FMO1: variants seen among roughly 807,000 people sequenced by gnomAD.
FMO1 encodes the protein flavin-containing monooxygenase 1.
Under a neutral mutation model 45.4 loss-of-function variants are expected in FMO1, and 36 were observed. The ratio of observed to expected loss-of-function variants is 0.79; its 90% CI spans 0.61 to 1.05. The LOEUF (loss-of-function observed/expected upper bound fraction) is 1.05. FMO1 is among the 50% of genes least tolerant of loss of function. The pLI is 0.00. For missense variants in FMO1, 615 were observed against 640.3 expected (o/e 0.96, Z 0.43); for synonymous variants, 228 against 227.2 (o/e 1.00, Z -0.03).
At chr1:171,277,905 C>G (rs1167787270) in intron 4 of FMO1, among the ~76,000 whole-genome samples, 1 of 152,078 alleles carries the variant, frequency 6.6e-6, no homozygotes, top group African/African-American at 2.4e-5. Flanking sequence ...GGTCTTATTA[C>G]TTTTTTTAGG....
rs1445157966 is a variant in FMO1 at position 171,284,709 on chromosome 1, G to A, written c.1257-493G>A. Among the ~76,000 whole-genome samples the A allele has an allele frequency of 2.0e-5, 3 of 148,856 alleles. No individual in the cohort carries two copies. In the Admixed American group the frequency reaches 2.0e-4, roughly 10 times the overall value. ...ATCATGCCACTGCACTCCAGCCTAG[G>A]TGACAGAGCAAGACCTTGTAAAAAA... is the stretch of plus-strand genomic sequence containing the variant. On this transcript the variant is annotated intron_variant, in intron 8 of 8. Transcript: ENST00000617670.
intron 2 of FMO1, among the ~76,000 whole-genome samples, chr1:171,263,120 GA>G (rs1225056093): frequency 3.3e-5 from 5 of 152,192 alleles, no homozygotes; most frequent in African/African-American, 1.2e-4. Flanking sequence ...ACTCCTGCCT[GA>G]AGGATACAAG....
At chr1:171,273,376 A>G (rs990825299) in intron 3 of FMO1, among the ~76,000 whole-genome samples, 5 of 152,178 alleles carry the variant, frequency 3.3e-5, no homozygotes, top group African/African-American at 1.2e-4. Context: ...CCACTTCCTT[A>G]TTTTGCAATG....
Position 171,258,082 on chromosome 1 carries a change from G to A in FMO1, c.-6G>A, listed in dbSNP as rs748239432. The stretch of plus-strand genomic sequence containing the variant: ...AGCCTGCTTCATCTTCCTCATGCAG[G>A]AGAACATGGCCAAGCGAGTTGCCAT... On this transcript the variant is annotated splice_region_variant and 5_prime_UTR_variant, in exon 2 of 9. Coordinates refer to ENST00000617670, the MANE Select transcript of FMO1 (RefSeq NM_001282693.2). 7 of 1,614,096 alleles carry A rather than the reference G, an allele frequency of 4.3e-6. No homozygotes were observed. The highest frequency in any genetic ancestry group is 1.1e-5 in the South Asian group (1 of 91,082).
At chr1:171,249,226 G>A (rs1299428948) in intron 1 of FMO1, among the ~76,000 whole-genome samples, 1 of 152,144 alleles carries the variant, frequency 6.6e-6, no homozygotes, top group East Asian at 1.9e-4. Context: ...TCCTGCTCCA[G>A]TTAAATTCAC....
In FMO1 at chr1:171,285,455, G is replaced by A; in HGVS notation, c.1510G>A (p.Val504Ile). The A allele has an allele frequency of 6.4e-7, 1 of 1,574,126 alleles. No homozygotes were observed. Among genetic ancestry groups the A allele is most frequent in the Non-Finnish European group, 8.6e-7 (1 of 1,161,090 alleles). Residue 504 changes from valine to isoleucine, a missense_variant, in exon 9 of 9, where the codon GTA (valine) becomes ATA (isoleucine). Physicochemically the swap from Val to Ile is conservative, Grantham distance 29 (BLOSUM62 3). Transcript: ENST00000617670. The stretch of plus-strand genomic sequence containing the variant: ...ATTCAAGGTCATCAAAGCTCGAGTT[G>A]TACAAGAGTCTCCATCTCCCTTTGA... ...RTFKVIKARV[V>I]QESPSPFESF...
rs542613140 is a variant in FMO1 at position 171,275,175 on chromosome 1, C to T, written c.322-171C>T. On this transcript the variant is annotated intron_variant, in intron 3 of 8. Coordinates refer to ENST00000617670, the MANE Select transcript of FMO1 (RefSeq NM_001282693.2). ...TATCTCTCCAAGCTTAGACTACCTC[C>T]ATCTAGGGAATCATGATTAGTCCGG... Among the ~76,000 whole-genome samples the T allele has an allele frequency of 2.6e-3, 393 of 152,290 alleles. 2 individuals carry two copies. Among genetic ancestry groups the T allele is most frequent in the African/African-American group, 8.5e-3 (352 of 41,560 alleles).
At chr1:171,282,541 TA>T (rs28360423) in intron 7 of FMO1, 80,657 of 451,864 alleles carry the variant, frequency 0.18, 12,068 homozygotes, top group African/African-American at 0.57. Context: ...AAAATATATA[TA>T]TTTTTTTGAT....
chr1:171,285,197 TA>T lies in FMO1; in HGVS notation c.1257-2del. On this transcript the variant is annotated splice_region_variant and splice_polypyrimidine_tract_variant and intron_variant, in intron 8 of 8. Coordinates refer to ENST00000617670, the MANE Select transcript of FMO1 (RefSeq NM_001282693.2). Reference sequence around the variant, plus strand: ...ACCTTTTCCCCCAATCTTCCTTTTATAAAGGTTTGGCTTGTGCTACTGCAAG... The same window carrying T: ...ACCTTTTCCCCCAATCTTCCTTTTATAAGGTTTGGCTTGTGCTACTGCAAG... The T allele has an allele frequency of 6.5e-7, 1 of 1,539,156 alleles. No individual in the cohort carries two copies. The highest frequency in any genetic ancestry group is 8.8e-7 in the Non-Finnish European group (1 of 1,140,662).
At chr1:171,254,744 C>T (rs1660077503) in intron 1 of FMO1, among the ~76,000 whole-genome samples, 1 of 152,158 alleles carries the variant, frequency 6.6e-6, no homozygotes, top group Non-Finnish European at 1.5e-5. Context: ...AACTCTAGAG[C>T]CCACTTTCTT....
At chr1:171,278,050 C>G (rs1661182521) in intron 4 of FMO1, among the ~76,000 whole-genome samples, 1 of 152,118 alleles carries the variant, frequency 6.6e-6, no homozygotes, top group Non-Finnish European at 1.5e-5. Context: ...TGTGATGTTT[C>G]AATAAGATTC....
In FMO1 at chr1:171,275,451, G is replaced by C; in HGVS notation, c.427G>C (p.Val143Leu). The change falls in exon 4 of 9, where the codon GTC becomes CTC. Residue 143 changes from valine (V) to leucine (L), a missense_variant. By Grantham distance (32) the Val-to-Leu change is conservative. Coordinates refer to ENST00000617670, the MANE Select transcript of FMO1 (RefSeq NM_001282693.2). ...GCAAGAGTCAGCCATCTTTGATGCT[G>C]TCATGGTCTGCACTGGCTTTCTTAC... ...EKQESAIFDA[V>L]MVCTGFLTNP... 1 of 1,613,756 alleles carries C rather than the reference G, an allele frequency of 6.2e-7. No individual in the cohort carries two copies. The highest frequency in any genetic ancestry group is 8.5e-7 in the Non-Finnish European group (1 of 1,179,706).
intron 8 of FMO1, among the ~76,000 whole-genome samples, chr1:171,283,485 T>C (rs149541428): frequency 1.4e-3 from 212 of 152,146 alleles, no homozygotes; most frequent in Non-Finnish European, 2.3e-3. Flanking sequence ...TAGTATCACA[T>C]AGAGTTTGGA....
chr1:171,271,386 C>A, intron 3 of FMO1: 1 of 1,149,110 alleles, frequency 8.7e-7, no homozygotes, highest in Non-Finnish European at 1.3e-6. Flanking sequence ...CATAATGGGC[C>A]TTGTCACCTT....
At chr1:171,253,838 G>A (rs1002694069) in intron 1 of FMO1, 1 of 152,206 alleles carries the variant, frequency 6.6e-6, no homozygotes, top group Non-Finnish European at 1.5e-5. Flanking sequence ...TGGTCCAGCT[G>A]AGGTATGGTG....
intron 1 of FMO1, among the ~76,000 whole-genome samples, chr1:171,257,566 G>A (rs10912672): frequency 0.21 from 31,856 of 151,832 alleles, 4,498 homozygotes; most frequent in African/African-American, 0.4. Flanking sequence ...GCAGTGCCGC[G>A]GTAGCACCCG....
At chr1:171,283,797 T>C (rs1661497114) in intron 8 of FMO1, among the ~76,000 whole-genome samples, 1 of 152,162 alleles carries the variant, frequency 6.6e-6, no homozygotes. Context: ...AACACAGCCA[T>C]GGTTATTCAT....
chr1:171,278,800 A>T lies in FMO1; in HGVS notation c.556A>T (p.Arg186Ter). ...GCATCCAGATATATTTAAGGACAAG[A>T]GAGTCCTTGTGATTGGAATGGGAAA... The part of the protein sequence containing the change: ...YKHPDIFKDK[R>*]VLVIGMGNSG... Residue 186 changes from arginine to a stop codon, truncating the protein, a stop_gained, in exon 5 of 9, where the codon AGA (arginine) becomes TGA (stop). Coordinates refer to ENST00000617670, the MANE Select transcript of FMO1 (RefSeq NM_001282693.2). LOFTEE classifies it high-confidence loss of function. The T allele has an allele frequency of 6.2e-7, 1 of 1,611,890 alleles. No individual in the cohort carries two copies. The highest frequency in any genetic ancestry group is 1.3e-5 in the African/African-American group (1 of 74,982).
intron 1 of FMO1, among the ~76,000 whole-genome samples, chr1:171,250,556 T>C (rs1659839376): frequency 6.6e-6 from 1 of 152,194 alleles, no homozygotes; most frequent in Admixed American, 6.5e-5. Context: ...CAGTAAATTA[T>C]ATATTTGCAT....
Sources: gnomAD v4.1 joint callset for allele counts (sites outside exome capture counted in the v4.1 genomes callset) on GRCh38, gnomAD v4.1.1 for gene constraint, MANE v1.5 for transcripts, NCBI Gene and HGNC (gene_info 2026-07-23, HGNC 2026-07-21) for gene names.